CPED1: variants seen among roughly 807,000 people sequenced by gnomAD.
The protein encoded by CPED1 is cadherin like and PC-esterase domain containing 1.
Under a neutral mutation model 128.2 loss-of-function variants are expected in CPED1, and 114 were observed. That is an observed-to-expected ratio of 0.89 (90% CI 0.76 to 1.04). The LOEUF is 1.04. Among genes scored for constraint, CPED1 ranks in the 50% least tolerant of loss-of-function variants. The pLI is 0.00. For missense variants in CPED1, 1,211 were observed against 1,207.1 expected (o/e 1.00, Z -0.05); for synonymous variants, 462 against 426.7 (o/e 1.08, Z -1.02).
At chr7:121,027,844 C>T (rs951566492) in intron 3 of CPED1, among the ~76,000 whole-genome samples, 10 of 151,724 alleles carry the variant, frequency 6.6e-5, no homozygotes, top group Non-Finnish European at 1.0e-4. Flanking sequence ...ATTTATACAA[C>T]AAAATGTTCC....
At chr7:121,010,579 AC>A (rs891478238) in intron 2 of CPED1, among the ~76,000 whole-genome samples, 1 of 152,156 alleles carries the variant, frequency 6.6e-6, no homozygotes, top group Non-Finnish European at 1.5e-5. Flanking sequence ...AAACTTTATT[AC>A]TTTTTTATCT....
chr7:121,010,929 T>C (rs1458023886), intron 2 of CPED1, among the ~76,000 whole-genome samples: 1 of 152,210 alleles, frequency 6.6e-6, no homozygotes, highest in Non-Finnish European at 1.5e-5. Context: ...GAAAATTCCT[T>C]CCATTTACTT....
chr7:121,244,404 G>A (rs1798476368), intron 18 of CPED1, 66 bp downstream of exon 18: 1 of 1,557,742 alleles, frequency 6.4e-7, no homozygotes, highest in Admixed American at 1.7e-5. Context: ...AAATCGTATA[G>A]TTGTATCTAC....
At chr7:121,105,796 A>T (rs1391749297) in intron 7 of CPED1, among the ~76,000 whole-genome samples, 1 of 152,130 alleles carries the variant, frequency 6.6e-6, no homozygotes, top group Non-Finnish European at 1.5e-5. Context: ...TCTTTTTAAA[A>T]AGCAATTCAT....
chr7:121,016,760 C>G (rs567036319), intron 3 of CPED1, among the ~76,000 whole-genome samples: 1 of 152,172 alleles, frequency 6.6e-6, no homozygotes, highest in Admixed American at 6.5e-5. Flanking sequence ...ATGTAGAACC[C>G]TCATTCAGAA....
chr7:121,240,465 A>G (rs530772653), intron 17 of CPED1, among the ~76,000 whole-genome samples: 2 of 152,294 alleles, frequency 1.3e-5, no homozygotes, highest in Non-Finnish European at 1.5e-5. Flanking sequence ...TAGAAAGAAA[A>G]TTAACAATCT....
intron 16 of CPED1, among the ~76,000 whole-genome samples, chr7:121,223,552 C>A (rs1361486993): frequency 1.3e-5 from 2 of 152,076 alleles, no homozygotes; most frequent in African/African-American, 2.4e-5. Context: ...CCTCTTTTTA[C>A]CCCTGTTAGA....
rs547026185 is a variant in CPED1, at chr7:121,084,178, C to T, written c.617-13521C>T. Among the ~76,000 whole-genome samples the T allele has an allele frequency of 5.9e-5, 9 of 152,264 alleles. No homozygotes were observed. In the East Asian group the frequency reaches 1.5e-3, roughly 26 times the overall value. ...CTGTTACTAACCACTACTGAGTCATCATAAAGCAATTCTCTCACTCCTATC... is the reference window on the plus strand; with the variant it reads ...CTGTTACTAACCACTACTGAGTCATTATAAAGCAATTCTCTCACTCCTATC... On this transcript the variant is annotated intron_variant, in intron 5 of 22. Coordinates refer to ENST00000310396, the MANE Select transcript of CPED1 (RefSeq NM_024913.5).
At chr7:121,266,169 A>G (rs1247181762) in intron 18 of CPED1, 58 bp from the exon 19 acceptor site, 2 of 1,312,180 alleles carry the variant, frequency 1.5e-6, no homozygotes, top group African/African-American at 1.5e-5. Flanking sequence ...ATTTTAAACT[A>G]TCTCCTGTAC....
chr7:121,184,558 A>G lies in CPED1; in HGVS notation c.2055+42417A>G, dbSNP rs962626780. On this transcript the variant is annotated intron_variant, in intron 16 of 22. Transcript: ENST00000310396. ...ATTTTGCATTTTATTTCCTACAGAA[A>G]ACTAGTGAGTGAGTTTTCTATTTCT... 4.6e-5 allele frequency among the ~76,000 whole-genome samples: 7 copies of G among 152,290 alleles called. No individual in the cohort carries two copies. In the East Asian group the frequency reaches 5.8e-4, roughly 13 times the overall value.
chr7:121,257,762 A>C (rs1242960636), intron 18 of CPED1, among the ~76,000 whole-genome samples: 1 of 152,056 alleles, frequency 6.6e-6, no homozygotes, highest in African/African-American at 2.4e-5. Context: ...TTTCATTACT[A>C]AGACAAATAA....
chr7:121,267,406 A>C, intron 21 of CPED1, 104 bp downstream of exon 21: 2 of 507,802 alleles, frequency 3.9e-6, no homozygotes, highest in Non-Finnish European at 6.7e-6. Context: ...AACCTTCATG[A>C]AAGTAAAAAA....
chr7:121,190,999 C>A (rs1797123768), intron 16 of CPED1, among the ~76,000 whole-genome samples: 1 of 152,148 alleles, frequency 6.6e-6, no homozygotes, highest in Non-Finnish European at 1.5e-5. Flanking sequence ...GCCTGTCTGG[C>A]CAGTCTTGGC....
At chr7:121,203,012 T>C (rs569190317) in intron 16 of CPED1, among the ~76,000 whole-genome samples, 1 of 152,054 alleles carries the variant, frequency 6.6e-6, no homozygotes, top group African/African-American at 2.4e-5. Flanking sequence ...CTGAAGCCAG[T>C]TGTTCCTATT....
chr7:121,092,462 G>A (rs1041951844), intron 5 of CPED1, among the ~76,000 whole-genome samples: 1 of 152,066 alleles, frequency 6.6e-6, no homozygotes, highest in African/African-American at 2.4e-5. Context: ...TTGGTGCTTG[G>A]CACTAGTCAT....
intron 16 of CPED1, among the ~76,000 whole-genome samples, chr7:121,191,369 G>A (rs184855034): frequency 4.1e-4 from 62 of 152,226 alleles, no homozygotes; most frequent in African/African-American, 1.4e-3. Context: ...CTTCTTGGAG[G>A]AAGTGACATA....
At chr7:121,254,137 C>T (rs80183787) in intron 18 of CPED1, among the ~76,000 whole-genome samples, 9,460 of 152,104 alleles carry the variant, frequency 0.062, 396 homozygotes, top group Non-Finnish European at 0.075. Flanking sequence ...AGAACATATT[C>T]TAAGATTGAA....
chr7:121,002,837 C>T lies in CPED1; in HGVS notation c.250-12828C>T, dbSNP rs560000123. 6.9e-4 allele frequency among the ~76,000 whole-genome samples: 105 copies of T among 152,170 alleles called. 1 individual carries two copies. Among genetic ancestry groups the T allele is most frequent in the Middle Eastern group, 6.8e-3 (2 of 294 alleles). On this transcript the variant is annotated intron_variant, in intron 2 of 22. Transcript: ENST00000310396. ...TAAAATAATATCTTAAAAGGAAGCC[C>T]CTTTTCTGGGATATAAATAGGAGTA...
chr7:121,124,232 A>C, intron 7 of CPED1, 99 bp from the exon 8 acceptor site: 2 of 1,080,516 alleles, frequency 1.9e-6, no homozygotes, highest in Non-Finnish European at 2.6e-6. Context: ...TGTGACAAGT[A>C]GAGATAACCT....
Sources: allele counts gnomAD v4.1 joint callset (sites outside exome capture counted in the v4.1 genomes callset), GRCh38; gene constraint gnomAD v4.1.1; transcripts MANE v1.5; gene names NCBI Gene and HGNC (gene_info 2026-07-23, HGNC 2026-07-21).